The following TMEM178B variants were observed in gnomAD, a reference collection of about 807,000 sequenced individuals.
The protein encoded by TMEM178B is transmembrane protein 178B.
A neutral mutation model predicts 31.0 loss-of-function variants in TMEM178B; 5 were observed. That is an observed-to-expected ratio of 0.16 (90% CI 0.08 to 0.34). The LOEUF (loss-of-function observed/expected upper bound fraction) is 0.34, where lower values mean the gene tolerates loss of function less well. Ranked by LOEUF, TMEM178B falls within the 10% of genes least tolerant of loss-of-function variation. The pLI, the probability that TMEM178B is intolerant of heterozygous loss-of-function variation, is 1.00. For synonymous variants in TMEM178B, 164 were observed against 164.0 expected (o/e 1.00, Z 0.00); for missense variants, 275 against 400.3 (o/e 0.69, Z 2.67).
chr7:141,394,761 A>G (rs1469931766), intron 2 of TMEM178B, among the ~76,000 whole-genome samples: 1 of 152,198 alleles, frequency 6.6e-6, no homozygotes, highest in Non-Finnish European at 1.5e-5. Flanking sequence ...ATTAGTTTAC[A>G]TATTCTCAGA....
intron 1 of TMEM178B, among the ~76,000 whole-genome samples, chr7:141,188,910 G>A (rs1362291553): frequency 6.6e-6 from 1 of 152,244 alleles, no homozygotes; most frequent in Non-Finnish European, 1.5e-5. Flanking sequence ...GTAATGCTGA[G>A]CTAGAAGGTG....
At chr7:141,237,912 A>G (rs796733851) in intron 2 of TMEM178B, among the ~76,000 whole-genome samples, 12 of 151,442 alleles carry the variant, frequency 7.9e-5, no homozygotes, top group African/African-American at 2.9e-4. Context: ...AATCTCAGCT[A>G]CTCGGGAGGC....
At chr7:141,130,049 T>A (rs111813387) in intron 1 of TMEM178B, among the ~76,000 whole-genome samples, 136 of 152,306 alleles carry the variant, frequency 8.9e-4, no homozygotes, top group African/African-American at 2.5e-3. Context: ...CTATTCAGAT[T>A]CCTATTCATA....
intron 3 of TMEM178B, among the ~76,000 whole-genome samples, chr7:141,442,278 G>C (rs766141235): frequency 7.9e-5 from 12 of 152,090 alleles, no homozygotes; most frequent in Non-Finnish European, 1.6e-4. Flanking sequence ...CCCGAATCAG[G>C]TCTAAGGCTC....
intron 2 of TMEM178B, among the ~76,000 whole-genome samples, chr7:141,213,291 C>T (rs1422540087): frequency 2.0e-5 from 3 of 152,182 alleles, no homozygotes; most frequent in African/African-American, 7.2e-5. Flanking sequence ...TTGGTTAGGG[C>T]ATTTCTTGGC....
At chr7:141,360,196 C>A (rs1055317711) in intron 2 of TMEM178B, among the ~76,000 whole-genome samples, 1 of 152,160 alleles carries the variant, frequency 6.6e-6, no homozygotes, top group Non-Finnish European at 1.5e-5. Context: ...CATGACCATG[C>A]CTTTCTTACT....
chr7:141,396,903 A>G (rs548590644), intron 2 of TMEM178B, among the ~76,000 whole-genome samples: 1 of 152,350 alleles, frequency 6.6e-6, no homozygotes, highest in African/African-American at 2.4e-5. Flanking sequence ...TATGGGGACA[A>G]TAGCTCTCCA....
chr7:141,090,573 T>G (rs982015712), intron 1 of TMEM178B, among the ~76,000 whole-genome samples: 22 of 152,210 alleles, frequency 1.4e-4, no homozygotes, highest in African/African-American at 5.3e-4. Flanking sequence ...TTTCTGTAAT[T>G]TCCTCTTCTT....
At position 141,359,245 on chromosome 7, in the gene TMEM178B, A is replaced by T. The variant is rs75445838; in HGVS notation, c.497-78363A>T. 2.5e-3 allele frequency among the ~76,000 whole-genome samples: 380 copies of T among 152,330 alleles called. 5 individuals carry two copies. The East Asian group carries it at 0.057, about 23-fold the overall frequency. On this transcript the variant is annotated intron_variant, in intron 2 of 3. Coordinates refer to ENST00000565468, the MANE Select transcript of TMEM178B (RefSeq NM_001195278.2). ...GACTCTCCAGAGTACATTTGGTCTT[A>T]GTGAGATGTGTTCATCATTTCTGCC... is the stretch of plus-strand genomic sequence containing the variant.
chr7:141,113,539 C>T (rs1202360177), intron 1 of TMEM178B, among the ~76,000 whole-genome samples: 1 of 152,122 alleles, frequency 6.6e-6, no homozygotes, highest in Non-Finnish European at 1.5e-5. Flanking sequence ...ACAGAATGAC[C>T]AGTCAGAATG....
chr7:141,082,031 C>T (rs770253610), intron 1 of TMEM178B, among the ~76,000 whole-genome samples: 1 of 152,234 alleles, frequency 6.6e-6, no homozygotes, highest in Non-Finnish European at 1.5e-5. Flanking sequence ...GTATTCAGTA[C>T]AGTAACATGC....
At chr7:141,099,337 T>A (rs1221814804) in intron 1 of TMEM178B, among the ~76,000 whole-genome samples, 1 of 152,186 alleles carries the variant, frequency 6.6e-6, no homozygotes, top group East Asian at 1.9e-4. Flanking sequence ...AATGTGAAAT[T>A]TAAACTATTA....
At chr7:141,209,320 G>A (rs1331725368) in intron 1 of TMEM178B, among the ~76,000 whole-genome samples, 2 of 152,194 alleles carry the variant, frequency 1.3e-5, no homozygotes, top group African/African-American at 4.8e-5. Flanking sequence ...ACCTCACTGT[G>A]ATTAATAAGC....
At chr7:141,197,018 C>A (rs1382574037) in intron 1 of TMEM178B, among the ~76,000 whole-genome samples, 1 of 152,154 alleles carries the variant, frequency 6.6e-6, no homozygotes, top group African/African-American at 2.4e-5. Context: ...GTCTCCTAGA[C>A]GTTCATTTCT....
chr7:141,190,524 T>G (rs1038250848), intron 1 of TMEM178B, among the ~76,000 whole-genome samples: 2 of 152,024 alleles, frequency 1.3e-5, no homozygotes, highest in African/African-American at 4.8e-5. Flanking sequence ...TTGCCCAGGC[T>G]GGTCTTGAAC....
At chr7:141,149,824 C>T (rs904347176) in intron 1 of TMEM178B, among the ~76,000 whole-genome samples, 12 of 152,210 alleles carry the variant, frequency 7.9e-5, no homozygotes, top group South Asian at 2.1e-4. Context: ...GCTCTGCCAA[C>T]GTCTCGATTT....
chr7:141,297,200 T>C (rs1356459702), intron 2 of TMEM178B: 2 of 152,208 alleles, frequency 1.3e-5, no homozygotes, highest in East Asian at 3.9e-4. Context: ...TAATTGCTAA[T>C]AGTAGAGGCA....
the TMEM178B span, among the ~76,000 whole-genome samples, chr7:141,509,598 C>T: frequency 7.9e-5 from 12 of 152,028 alleles, no homozygotes; most frequent in African/African-American, 1.4e-4. Flanking sequence ...TGCAGTGAGC[C>T]GAGATTGTAC....
chr7:141,492,540 T>G, the TMEM178B span, among the ~76,000 whole-genome samples: 93 of 152,146 alleles, frequency 6.1e-4, no homozygotes, highest in African/African-American at 2.1e-3. Flanking sequence ...AATCAATACA[T>G]AAAAGGAAGG....
Sources: allele counts gnomAD v4.1 joint callset (sites outside exome capture counted in the v4.1 genomes callset), GRCh38; gene constraint gnomAD v4.1.1; transcripts MANE v1.5; gene names NCBI Gene and HGNC (gene_info 2026-07-23, HGNC 2026-07-21).